ADCY5: variants seen among roughly 807,000 people sequenced by gnomAD.
The protein encoded by ADCY5 is adenylate cyclase 5.
A neutral mutation model predicts 119.7 loss-of-function variants in ADCY5; 30 were observed. The ratio of observed to expected loss-of-function variants is 0.25; its 90% CI spans 0.19 to 0.34. The LOEUF is 0.34. Among genes scored for constraint, ADCY5 ranks in the 10% least tolerant of loss-of-function variants. The pLI is 1.00. For missense variants in ADCY5, 1,324 were observed against 1,775.2 expected (o/e 0.75, Z 4.57); for synonymous variants, 753 against 762.2 (o/e 0.99, Z 0.20).
chr3:123,319,902 A>C, intron 9 of ADCY5, 84 bp from the exon 10 acceptor site: 1 of 1,538,154 alleles, frequency 6.5e-7, no homozygotes. Flanking sequence ...ATCCCCCCAG[A>C]CTCTCGGAGA....
Position 123,314,268 on chromosome 3 carries a change from C to A in ADCY5, c.2409G>T (p.Val803=). The A allele has an allele frequency of 6.2e-7, 1 of 1,613,864 alleles. No individual in the cohort carries two copies. Among genetic ancestry groups the A allele is most frequent in the Non-Finnish European group, 8.5e-7 (1 of 1,179,812 alleles). Residue 803 remains valine (V), a synonymous_variant, in exon 12 of 21, where the codon GTG becomes GTT. Coordinates refer to ENST00000462833, the MANE Select transcript of ADCY5 (RefSeq NM_183357.3). ...AGGAGTAGATCACAGACACAAACAC[C>A]ACCAAGGTCAGCAGCAGGGAACAGG... The part of the protein sequence containing the change: ...YLTCSLLLTL[V]VFVSVIYSCV...
chr3:123,375,511 C>G (rs897592892), intron 1 of ADCY5, among the ~76,000 whole-genome samples: 1 of 152,252 alleles, frequency 6.6e-6, no homozygotes, highest in Non-Finnish European at 1.5e-5. Context: ...GGGCAGGCCC[C>G]CCATTCCCAG....
intron 1 of ADCY5, among the ~76,000 whole-genome samples, chr3:123,376,724 A>G (rs2107546353): frequency 6.6e-6 from 1 of 152,296 alleles, no homozygotes; most frequent in South Asian, 2.1e-4. Context: ...TGAACTGGCC[A>G]GAAGGAGGAT....
chr3:123,332,418 C>T, intron 4 of ADCY5, 146 bp downstream of exon 4: 3 of 636,802 alleles, frequency 4.7e-6, no homozygotes, highest in Non-Finnish European at 5.6e-6. Context: ...CCTAAGGGTC[C>T]CCTCTGCCCA....
At chr3:123,437,577 A>T (rs1356680174) in intron 1 of ADCY5, among the ~76,000 whole-genome samples, 1 of 152,206 alleles carries the variant, frequency 6.6e-6, no homozygotes, top group Non-Finnish European at 1.5e-5. Flanking sequence ...GATGACATGA[A>T]GATTAGATGA....
chr3:123,375,161 G>A (rs532730500), intron 1 of ADCY5, among the ~76,000 whole-genome samples: 1 of 152,340 alleles, frequency 6.6e-6, no homozygotes, highest in Non-Finnish European at 1.5e-5. Context: ...CGAGGAGAAA[G>A]GGCTGGGATC....
At chr3:123,405,810 T>A (rs1944883606) in intron 1 of ADCY5, among the ~76,000 whole-genome samples, 1 of 152,060 alleles carries the variant, frequency 6.6e-6, no homozygotes, top group African/African-American at 2.4e-5. Context: ...GGTTTTTGTA[T>A]CTTTAGTAGA....
intron 1 of ADCY5, among the ~76,000 whole-genome samples, chr3:123,405,360 G>A (rs1288210317): frequency 6.6e-6 from 1 of 152,236 alleles, no homozygotes; most frequent in African/African-American, 2.4e-5. Flanking sequence ...GGCATGTCAG[G>A]CTGCAGGGTT....
At chr3:123,358,155 C>CGTGTATGTGT (rs1943105307) in intron 1 of ADCY5, among the ~76,000 whole-genome samples, 1 of 140,860 alleles carries the variant, frequency 7.1e-6, no homozygotes. Context: ...ACATGGAACA[C>CGTGTATGTGT]GTGTGTGTGT....
intron 1 of ADCY5, among the ~76,000 whole-genome samples, chr3:123,388,913 G>A (rs1298944108): frequency 6.6e-6 from 1 of 152,176 alleles, no homozygotes; most frequent in East Asian, 1.9e-4. Context: ...GAGAGATGGA[G>A]GCACGCCAGG....
chr3:123,386,770 GCCT>G (rs1944238667), intron 1 of ADCY5, among the ~76,000 whole-genome samples: 2 of 152,090 alleles, frequency 1.3e-5, no homozygotes, highest in Admixed American at 1.3e-4. Context: ...TTCCCACGCT[GCCT>G]GCCAGCGCCC....
chr3:123,384,805 G>A (rs1384799192), intron 1 of ADCY5, among the ~76,000 whole-genome samples: 1 of 152,140 alleles, frequency 6.6e-6, no homozygotes, highest in Non-Finnish European at 1.5e-5. Flanking sequence ...GAGGCCACTA[G>A]TACCACTCTG....
rs1942876013 is a variant in ADCY5 at position 123,352,512 on chromosome 3, C to T, written c.1204G>A (p.Val402Ile). The T allele has an allele frequency of 6.2e-6, 10 of 1,614,026 alleles. No homozygotes were observed. Among genetic ancestry groups the T allele is most frequent in the Non-Finnish European group, 8.5e-6 (10 of 1,179,960 alleles). ...VGVCTHYPAEVSQRQAFQETR... is the reference protein window; with the variant it reads ...VGVCTHYPAEISQRQAFQETR... ...TCCTGGAAAGCCTGTCTCTGGGAGACCTCAGCCGGATAGTGGGTGCAGACA... is the reference window on the plus strand; with the variant it reads ...TCCTGGAAAGCCTGTCTCTGGGAGATCTCAGCCGGATAGTGGGTGCAGACA... Residue 402 changes from valine to isoleucine, a missense_variant, in exon 2 of 21, where the codon GTC (valine) becomes ATC (isoleucine). By Grantham distance (29) the Val-to-Ile change is conservative. This residue lies in a region of ADCY5 where 123 missense variants were observed against 287.9 expected (regional missense o/e 0.43). Coordinates refer to ENST00000462833, the MANE Select transcript of ADCY5 (RefSeq NM_183357.3). This position sits in a 1 kb window ranked among gnomAD's most constrained non-coding sequence, Gnocchi z 4.8.
At chr3:123,406,734 C>A (rs893163775) in intron 1 of ADCY5, among the ~76,000 whole-genome samples, 2 of 152,130 alleles carry the variant, frequency 1.3e-5, no homozygotes, top group Non-Finnish European at 1.5e-5. Context: ...GACAAGGACG[C>A]TTGGCCGACC....
chr3:123,300,905 T>C lies in ADCY5; in HGVS notation c.2725-610A>G, dbSNP rs1006965366. Among the ~76,000 whole-genome samples, 6 of 152,344 alleles carry C rather than the reference T, an allele frequency of 3.9e-5. No individual in the cohort carries two copies. The East Asian group carries it at 1.2e-3, about 29-fold the overall frequency. ...CAGACATGCTACTACTGTGGAAATATGACCATTTCATGATCAGACTCCACT... is the reference window on the plus strand; with the variant it reads ...CAGACATGCTACTACTGTGGAAATACGACCATTTCATGATCAGACTCCACT... On this transcript the variant is annotated intron_variant, in intron 14 of 20. Transcript: ENST00000462833.
At chr3:123,444,328 G>C (rs962559960) in intron 1 of ADCY5, among the ~76,000 whole-genome samples, 4 of 152,324 alleles carry the variant, frequency 2.6e-5, no homozygotes, top group Admixed American at 1.3e-4. Context: ...GCCTCGAACA[G>C]GGAGGGAGAG....
Position 123,327,707 on chromosome 3 carries a change from C to A in ADCY5, c.1858G>T (p.Val620Leu). The change falls in exon 7 of 21, where the codon GTG becomes TTG. Residue 620 changes from valine (V) to leucine (L), a missense_variant. By Grantham distance (32) the Val-to-Leu change is conservative (BLOSUM62 1). Coordinates refer to ENST00000462833, the MANE Select transcript of ADCY5 (RefSeq NM_183357.3). ...TLNYLNGDYE[V>L]EPGCGGERNA... Reference sequence around the variant, plus strand: ...CGCTCGCCCCCACAGCCTGGCTCCACCTCGTAGTCCCCATTCAGGTAGTTG... The same window carrying A: ...CGCTCGCCCCCACAGCCTGGCTCCAACTCGTAGTCCCCATTCAGGTAGTTG... 6.2e-7 allele frequency: 1 copy of A among 1,614,128 alleles called. No individual in the cohort carries two copies. Among genetic ancestry groups the A allele is most frequent in the Non-Finnish European group, 8.5e-7 (1 of 1,180,004 alleles).
chr3:123,446,557 A>G (rs1945818586), intron 1 of ADCY5, among the ~76,000 whole-genome samples: 1 of 152,252 alleles, frequency 6.6e-6, no homozygotes, highest in Admixed American at 6.5e-5. Context: ...CCCTGAGGTC[A>G]GGATAGCCAA....
intron 2 of ADCY5, among the ~76,000 whole-genome samples, chr3:123,349,454 T>C (rs953060702): frequency 6.6e-6 from 1 of 152,152 alleles, no homozygotes; most frequent in Non-Finnish European, 1.5e-5. Context: ...GGCTCTTGGA[T>C]TCTGGTCGCG....
Sources: gnomAD v4.1 joint callset for allele counts (sites outside exome capture counted in the v4.1 genomes callset) on GRCh38, gnomAD v4.1.1 for gene constraint, gnomAD v4.1.1 regional missense constraint, Gnocchi (gnomAD v3.1) non-coding constraint, MANE v1.5 for transcripts, NCBI Gene and HGNC (gene_info 2026-07-23, HGNC 2026-07-21) for gene names.